CAMK4: variants seen among roughly 807,000 people sequenced by gnomAD.
CAMK4 encodes the protein calcium/calmodulin-dependent protein kinase type IV.
In CAMK4, 22 loss-of-function variants were observed where a neutral mutation model predicts 44.9. The observed-to-expected ratio is 0.49, with a 90% CI of 0.35 to 0.70. The LOEUF (loss-of-function observed/expected upper bound fraction) is 0.70, where lower values mean the gene tolerates loss of function less well. Ranked by LOEUF, CAMK4 falls within the 30% of genes least tolerant of loss-of-function variation. CAMK4 has a pLI of 0.01. For synonymous variants in CAMK4, 218 were observed against 215.4 expected, an observed-to-expected ratio of 1.01 and a Z score of -0.11; for missense variants, 498 against 586.8, an observed-to-expected ratio of 0.85 and a Z score of 1.56.
At chr5:111,324,295 T>A (rs1748782811) in intron 1 of CAMK4, among the ~76,000 whole-genome samples, 1 of 151,914 alleles carries the variant, frequency 6.6e-6, no homozygotes. Context: ...TTCAAGATTA[T>A]CTATAGGAGA....
chr5:111,382,487 A>T (rs1347207991), intron 4 of CAMK4, among the ~76,000 whole-genome samples: 1 of 152,190 alleles, frequency 6.6e-6, no homozygotes, highest in Non-Finnish European at 1.5e-5. Flanking sequence ...TAATTATCTA[A>T]TGAGTGATTC....
At chr5:111,287,884 G>A (rs543927253) in intron 1 of CAMK4, among the ~76,000 whole-genome samples, 35 of 152,230 alleles carry the variant, frequency 2.3e-4, no homozygotes, top group Non-Finnish European at 4.4e-5. Flanking sequence ...CACCACCCAG[G>A]AAAAGAAATG....
intron 5 of CAMK4, among the ~76,000 whole-genome samples, chr5:111,440,730 CT>C (rs1210408150): frequency 6.7e-6 from 1 of 149,056 alleles, no homozygotes; most frequent in Non-Finnish European, 1.5e-5. Flanking sequence ...ATTGAAACCT[CT>C]TTTTCACTGA....
At chr5:111,402,344 G>A (rs1752258895) in intron 5 of CAMK4, among the ~76,000 whole-genome samples, 1 of 152,314 alleles carries the variant, frequency 6.6e-6, no homozygotes, top group African/African-American at 2.4e-5. Context: ...TAAATTATCA[G>A]TTTCTGCTTT....
chr5:111,390,945 A>T (rs1751773577), intron 4 of CAMK4, among the ~76,000 whole-genome samples: 1 of 152,152 alleles, frequency 6.6e-6, no homozygotes, highest in Non-Finnish European at 1.5e-5. Context: ...GCAGGCAAAC[A>T]CTCAAATCTC....
At chr5:111,453,623 G>A (rs1217097207) in intron 7 of CAMK4, among the ~76,000 whole-genome samples, 1 of 151,996 alleles carries the variant, frequency 6.6e-6, no homozygotes, top group African/African-American at 2.4e-5. Context: ...GGCCACAAGA[G>A]GAGACAGAGG....
chr5:111,446,086 A>G (rs551386711), intron 5 of CAMK4, among the ~76,000 whole-genome samples: 10 of 152,332 alleles, frequency 6.6e-5, no homozygotes, highest in African/African-American at 2.2e-4. Context: ...GTGATCTTTG[A>G]GATTCATCTC....
chr5:111,279,701 G>A (rs935250332), intron 1 of CAMK4, among the ~76,000 whole-genome samples: 19 of 151,202 alleles, frequency 1.3e-4, no homozygotes, highest in African/African-American at 4.4e-4. Flanking sequence ...TTTTTATTTG[G>A]CAGTGCACTA....
intron 1 of CAMK4, among the ~76,000 whole-genome samples, chr5:111,273,389 A>G (rs982710324): frequency 6.6e-6 from 1 of 151,844 alleles, no homozygotes; most frequent in Non-Finnish European, 1.5e-5. Context: ...CTCATGAACA[A>G]TTTATATGCA....
intron 5 of CAMK4, among the ~76,000 whole-genome samples, chr5:111,402,047 C>T (rs768650071): frequency 9.9e-5 from 15 of 152,192 alleles, no homozygotes; most frequent in Admixed American, 6.5e-5. Context: ...GTTCCTGGAA[C>T]GACCTGCCAC....
chr5:111,322,122 C>G (rs1383578391), intron 1 of CAMK4, among the ~76,000 whole-genome samples: 1 of 151,972 alleles, frequency 6.6e-6, no homozygotes, highest in Non-Finnish European at 1.5e-5. Flanking sequence ...CAATAAAGGG[C>G]TGTGATCATT....
intron 1 of CAMK4, among the ~76,000 whole-genome samples, chr5:111,281,132 G>C (rs1750995841): frequency 6.6e-6 from 1 of 152,188 alleles, no homozygotes; most frequent in Admixed American, 6.5e-5. Flanking sequence ...CAAGGCCCTA[G>C]TTTGCTAGGT....
At chr5:111,364,306 C>G (rs1561440920) in intron 2 of CAMK4, among the ~76,000 whole-genome samples, 1 of 152,062 alleles carries the variant, frequency 6.6e-6, no homozygotes, top group African/African-American at 2.4e-5. Flanking sequence ...TCTTCTTCTG[C>G]TCTATCTATC....
At chr5:111,429,886 A>G (rs1753374745) in intron 5 of CAMK4, among the ~76,000 whole-genome samples, 1 of 150,050 alleles carries the variant, frequency 6.7e-6, no homozygotes, top group African/African-American at 2.5e-5. Flanking sequence ...AAACATTTAA[A>G]GAATTAATAT....
chr5:111,427,336 C>T (rs560671019), intron 5 of CAMK4, among the ~76,000 whole-genome samples: 13 of 152,232 alleles, frequency 8.5e-5, no homozygotes, highest in African/African-American at 2.2e-4. Flanking sequence ...CCTTGATCCC[C>T]GAAAAGCCAC....
intron 1 of CAMK4, among the ~76,000 whole-genome samples, chr5:111,321,075 A>G (rs1013234084): frequency 2.0e-5 from 3 of 152,054 alleles, no homozygotes; most frequent in African/African-American, 7.2e-5. Flanking sequence ...AATCCTACCT[A>G]CACCCCTGGA....
chr5:111,354,876 C>G (rs779219831), intron 2 of CAMK4, among the ~76,000 whole-genome samples: 1 of 152,052 alleles, frequency 6.6e-6, no homozygotes, highest in Non-Finnish European at 1.5e-5. Flanking sequence ...AATGGAGATT[C>G]CCTGCTCTGT....
At chr5:111,457,567 A>G (rs1035829433) in intron 7 of CAMK4, among the ~76,000 whole-genome samples, 1 of 152,246 alleles carries the variant, frequency 6.6e-6, no homozygotes, top group African/African-American at 2.4e-5. Flanking sequence ...GCCAAAATTT[A>G]AGACAAATTT....
rs1755479344 is a variant in CAMK4, at chr5:111,482,822, T to C, written c.866T>C (p.Leu289Pro). 1 of 1,612,464 alleles carries C rather than the reference T, an allele frequency of 6.2e-7. No individual in the cohort carries two copies. Among genetic ancestry groups the C allele is most frequent in the Non-Finnish European group, 8.5e-7 (1 of 1,179,388 alleles). The part of the protein sequence containing the change: ...KLIVLDPKKR[L>P]TTFQALQHPW... ...ATTGTTTTGGATCCAAAGAAACGGC[T>C]GACTACATTTCAAGCTCTCCAGCAT... Residue 289 changes from leucine to proline, a missense_variant, in exon 10 of 11, where the codon CTG (leucine) becomes CCG (proline). Transcript: ENST00000282356. This position sits in a 1 kb window ranked among gnomAD's most constrained non-coding sequence, Gnocchi z 4.9.
Sources: gnomAD v4.1 joint callset for allele counts (sites outside exome capture counted in the v4.1 genomes callset) on GRCh38, gnomAD v4.1.1 for gene constraint, Gnocchi (gnomAD v3.1) non-coding constraint, MANE v1.5 for transcripts, NCBI Gene and HGNC (gene_info 2026-07-23, HGNC 2026-07-21) for gene names.